Variants in CDH18 observed in about 807,000 individuals in gnomAD.
CDH18 encodes the protein cadherin 18.
CDH18 carries 31 observed loss-of-function variants against 67.9 expected under a neutral mutation model. The observed-to-expected ratio is 0.46, with a 90% CI of 0.34 to 0.62. CDH18 has a LOEUF of 0.62. Ranked by LOEUF, CDH18 falls within the 20% of genes least tolerant of loss-of-function variation. CDH18 has a pLI of 0.01. For missense variants in CDH18, 890 were observed against 975.5 expected (o/e 0.91, Z 1.17); for synonymous variants, 362 against 347.2 (o/e 1.04, Z -0.48).
At chr5:19,919,305 C>G (rs1792180397) in intron 2 of CDH18, among the ~76,000 whole-genome samples, 1 of 152,190 alleles carries the variant, frequency 6.6e-6, no homozygotes, top group Middle Eastern at 3.4e-3. Context: ...AGGTCAACAT[C>G]AATTAAATAT....
In CDH18 at chr5:19,986,093, CA is replaced by C. The variant is rs553632009; in HGVS notation, c.-376+1992del. On this transcript the variant is annotated intron_variant, in intron 1 of 12. Coordinates refer to ENST00000382275, the MANE Select transcript of CDH18 (RefSeq NM_004934.5). ...ATGCTATTTATATCAGCCAATGGGA[CA>C]AAAAGTACTTTATATTTATAGCAGC... Among the ~76,000 whole-genome samples, 488 of 152,172 alleles carry C rather than the reference CA, an allele frequency of 3.2e-3. 2 individuals carry two copies. The highest frequency in any genetic ancestry group is 6.8e-3 in the Middle Eastern group (2 of 294).
At chr5:19,706,741 G>A (rs1764018110) in intron 5 of CDH18, among the ~76,000 whole-genome samples, 1 of 152,200 alleles carries the variant, frequency 6.6e-6, no homozygotes, top group East Asian at 1.9e-4. Context: ...TTATCTATAT[G>A]GAATATTAAA....
Position 20,457,151 on chromosome 5 carries a change from T to C in CDH18, c.-580+118311A>G, listed in dbSNP as rs541975638. Among the ~76,000 whole-genome samples, 103 of 152,230 alleles carry C rather than the reference T, an allele frequency of 6.8e-4. 2 individuals carry two copies. Among genetic ancestry groups the C allele is most frequent in the Non-Finnish European group, 5.9e-4 (40 of 67,996 alleles). ...TATAAAGTTGGATCTCAGAGCAAAA[T>C]AGATCAAAATGTCAAACTATTGAAA... On this transcript the variant is annotated intron_variant, in intron 1 of 14. Coordinates refer to the CDH18 transcript ENST00000507958.
intron 2 of CDH18, among the ~76,000 whole-genome samples, chr5:20,053,760 A>G (rs1433339213): frequency 6.6e-6 from 1 of 152,042 alleles, no homozygotes; most frequent in African/African-American, 2.4e-5. Flanking sequence ...CTTCACTTTC[A>G]TCTCCTCTCC....
intron 4 of CDH18, among the ~76,000 whole-genome samples, chr5:19,739,455 G>A (rs902817774): frequency 2.0e-5 from 3 of 152,116 alleles, no homozygotes; most frequent in African/African-American, 7.2e-5. Flanking sequence ...GGTGAGGGAG[G>A]CACCTGCGCT....
At chr5:20,278,660 A>C (rs2126688878) in intron 1 of CDH18, among the ~76,000 whole-genome samples, 1 of 152,312 alleles carries the variant, frequency 6.6e-6, no homozygotes, top group South Asian at 2.1e-4. Flanking sequence ...TCAGTATAAA[A>C]AATAAAAGAT....
intron 1 of CDH18, among the ~76,000 whole-genome samples, chr5:20,270,775 T>C (rs1745376085): frequency 6.6e-6 from 1 of 151,592 alleles, no homozygotes; most frequent in South Asian, 2.1e-4. Flanking sequence ...ACAGGTGCTA[T>C]ATATAGGACA....
intron 1 of CDH18, among the ~76,000 whole-genome samples, chr5:20,349,680 C>A (rs77242402): frequency 0.024 from 3,605 of 152,108 alleles, 97 homozygotes; most frequent in African/African-American, 0.063. Flanking sequence ...CCTTATCTGT[C>A]AGTTTAATGA....
rs191454407 is a variant in CDH18, at chr5:19,814,552, T to C, written c.228+24207A>G. 3.8e-3 allele frequency among the ~76,000 whole-genome samples: 580 copies of C among 152,108 alleles called. 5 individuals are homozygous for C. Among genetic ancestry groups the C allele is most frequent in the African/African-American group, 0.013 (555 of 41,530 alleles). On this transcript the variant is annotated intron_variant, in intron 3 of 12. Coordinates refer to ENST00000382275, the MANE Select transcript of CDH18 (RefSeq NM_004934.5). ...ACCAGGAGCACTACACCTATAGTCA[T>C]TTAAAACCAAATCCCAGGAGGGCGT... is the stretch of plus-strand genomic sequence containing the variant.
At chr5:19,615,454 C>T (rs569223785) in intron 5 of CDH18, among the ~76,000 whole-genome samples, 7 of 152,218 alleles carry the variant, frequency 4.6e-5, no homozygotes, top group African/African-American at 1.7e-4. Context: ...TTCCCATATA[C>T]CCTTTACTTC....
chr5:19,474,568 G>A (rs1200219603), intron 12 of CDH18, among the ~76,000 whole-genome samples: 2 of 152,052 alleles, frequency 1.3e-5, no homozygotes, highest in Non-Finnish European at 2.9e-5. Context: ...AAATGAGAAT[G>A]AGGAATCTGA....
chr5:19,851,141 T>C (rs1177164644), intron 2 of CDH18, among the ~76,000 whole-genome samples: 2 of 151,798 alleles, frequency 1.3e-5, no homozygotes, highest in Non-Finnish European at 2.9e-5. Flanking sequence ...AATTTGAAGA[T>C]CCATTTACAC....
chr5:19,715,274 G>T (rs951317148), intron 5 of CDH18, among the ~76,000 whole-genome samples: 5 of 152,136 alleles, frequency 3.3e-5, no homozygotes, highest in African/African-American at 1.2e-4. Flanking sequence ...GCAGACTGAA[G>T]AAATAATGTT....
At chr5:19,682,989 C>G (rs181560230) in intron 5 of CDH18, among the ~76,000 whole-genome samples, 92 of 152,086 alleles carry the variant, frequency 6.0e-4, no homozygotes, top group African/African-American at 1.9e-3. Context: ...TACTTTACTG[C>G]TTTGAAAGTT....
chr5:20,445,156 A>C (rs1045252818), intron 1 of CDH18, among the ~76,000 whole-genome samples: 1 of 152,170 alleles, frequency 6.6e-6, no homozygotes, highest in African/African-American at 2.4e-5. Context: ...TGAGAATTTA[A>C]AATAATGGAG....
chr5:19,668,530 G>A (rs927829001), intron 5 of CDH18, among the ~76,000 whole-genome samples: 1 of 151,990 alleles, frequency 6.6e-6, no homozygotes, highest in Non-Finnish European at 1.5e-5. Context: ...ATCAAGCATG[G>A]CTGCAGAGAC....
intron 2 of CDH18, among the ~76,000 whole-genome samples, chr5:20,233,312 G>A (rs1194461388): frequency 1.3e-5 from 2 of 151,200 alleles, no homozygotes; most frequent in African/African-American, 2.4e-5. Flanking sequence ...TGAGTTTAAC[G>A]CTTTGTATCT....
chr5:20,138,459 G>A lies in CDH18; in HGVS notation c.-518+116985C>T, dbSNP rs538102826. Among the ~76,000 whole-genome samples the A allele has an allele frequency of 1.8e-3, 279 of 152,174 alleles. 2 individuals are homozygous for A. Among genetic ancestry groups the A allele is most frequent in the African/African-American group, 6.4e-3 (265 of 41,522 alleles). On this transcript the variant is annotated intron_variant, in intron 2 of 14. Transcript: ENST00000507958. ...TGTTAAACATAGTGTTGGAAGTTCTGGCCAGGACAATCAGGCAGGAGAAAG... is the reference window on the plus strand; with the variant it reads ...TGTTAAACATAGTGTTGGAAGTTCTAGCCAGGACAATCAGGCAGGAGAAAG...
chr5:20,340,741 G>A (rs1252596870), intron 1 of CDH18, among the ~76,000 whole-genome samples: 1 of 152,182 alleles, frequency 6.6e-6, no homozygotes, highest in African/African-American at 2.4e-5. Context: ...GGACACTGGA[G>A]TGAGCCTTTC....
Sources: allele counts gnomAD v4.1 joint callset (sites outside exome capture counted in the v4.1 genomes callset), GRCh38; gene constraint gnomAD v4.1.1; transcripts MANE v1.5; gene names NCBI Gene and HGNC (gene_info 2026-07-23, HGNC 2026-07-21).